The following ADRA1A variants were observed in gnomAD, a reference collection of about 807,000 sequenced individuals.
ADRA1A encodes alpha-1A adrenergic receptor.
A neutral mutation model predicts 29.6 loss-of-function variants in ADRA1A; 31 were observed. That is an observed-to-expected ratio of 1.05 (90% CI 0.79 to 1.41). The LOEUF (loss-of-function observed/expected upper bound fraction) is 1.41. Ranked by LOEUF, ADRA1A falls within the 40% of genes most tolerant of loss-of-function variation. ADRA1A has a pLI of 0.00. For missense variants in ADRA1A, 619 were observed against 601.1 expected (o/e 1.03, Z -0.31); for synonymous variants, 311 against 254.3 (o/e 1.22, Z -2.12).
chr8:26,761,874 G>A (rs1399498175), downstream of ADRA1A, among the ~76,000 whole-genome samples: 2 of 152,208 alleles, frequency 1.3e-5, no homozygotes, highest in Admixed American at 6.5e-5. Context: ...TCCAGTAGCA[G>A]ATGGGCTGCT....
chr8:26,797,787 T>C (rs1808283706), intron 2 of ADRA1A, among the ~76,000 whole-genome samples: 1 of 152,052 alleles, frequency 6.6e-6, no homozygotes, highest in African/African-American at 2.4e-5. Flanking sequence ...ATTGAGGCTA[T>C]GGAGAAGGGG....
At chr8:26,751,570 G>A (rs903619032), downstream of ADRA1A, among the ~76,000 whole-genome samples, 8 of 152,202 alleles carry the variant, frequency 5.3e-5, no homozygotes, top group African/African-American at 1.7e-4. Flanking sequence ...ATGGGTGAGT[G>A]TAAGGAGTAA....
At position 26,848,847 on chromosome 8, in the gene ADRA1A, C is replaced by T. The variant is rs558946711; in HGVS notation, c.883+15240G>A. ...TCACTGCACAGTTGTCTTCCTCTAACTGTTGAGAATCAAAGGCTATAGGAG... is the reference window on the plus strand; with the variant it reads ...TCACTGCACAGTTGTCTTCCTCTAATTGTTGAGAATCAAAGGCTATAGGAG... On this transcript the variant is annotated intron_variant, in intron 2 of 2. Transcript: ENST00000380573. This position sits in a 1 kb window ranked among gnomAD's most constrained non-coding sequence, Gnocchi z 4.3. Among the ~76,000 whole-genome samples, 3 of 152,294 alleles carry T rather than the reference C, an allele frequency of 2.0e-5. No individual in the cohort carries two copies. The highest frequency in any genetic ancestry group is 3.9e-4 in the East Asian group (2 of 5,162).
intron 2 of ADRA1A, among the ~76,000 whole-genome samples, chr8:26,839,412 C>A (rs1002035888): frequency 2.0e-5 from 3 of 152,112 alleles, no homozygotes; most frequent in Admixed American, 6.5e-5. Context: ...CCTGCCTCGG[C>A]CCCCCAAAGT....
chr8:26,814,520 C>A (rs545463006), intron 2 of ADRA1A, among the ~76,000 whole-genome samples: 1 of 152,332 alleles, frequency 6.6e-6, no homozygotes, highest in Non-Finnish European at 1.5e-5. Flanking sequence ...CCTTGGCCTC[C>A]CAAAGGCCAA....
At chr8:26,830,325 G>A (rs1810885444) in intron 2 of ADRA1A, among the ~76,000 whole-genome samples, 1 of 152,208 alleles carries the variant, frequency 6.6e-6, no homozygotes, top group Non-Finnish European at 1.5e-5. Flanking sequence ...AGAAAGGGGA[G>A]GAACTTGGCT....
intron 2 of ADRA1A, among the ~76,000 whole-genome samples, chr8:26,798,657 AT>A (rs1212083985): frequency 5.3e-5 from 8 of 152,212 alleles, no homozygotes; most frequent in Admixed American, 3.3e-4. Context: ...CTAGAATGGT[AT>A]CTGCCTGTGA....
intron 2 of ADRA1A, among the ~76,000 whole-genome samples, chr8:26,757,858 C>G (rs745904609): frequency 8.9e-6 from 1 of 112,752 alleles, no homozygotes; most frequent in African/African-American, 4.1e-5. Flanking sequence ...TATAAGCACA[C>G]GCACACACAC....
intron 2 of ADRA1A, among the ~76,000 whole-genome samples, chr8:26,863,280 T>C (rs902942893): frequency 6.6e-6 from 1 of 152,214 alleles, no homozygotes; most frequent in Non-Finnish European, 1.5e-5. Flanking sequence ...ATACTTATAA[T>C]GAGCTAATTA....
rs1025462338 is a variant in ADRA1A at position 26,848,848 on chromosome 8, T to A, written c.883+15239A>T. Reference sequence around the variant, plus strand: ...CACTGCACAGTTGTCTTCCTCTAACTGTTGAGAATCAAAGGCTATAGGAGG... The same window carrying A: ...CACTGCACAGTTGTCTTCCTCTAACAGTTGAGAATCAAAGGCTATAGGAGG... On this transcript the variant is annotated intron_variant, in intron 2 of 2. Transcript: ENST00000380573. This position sits in a 1 kb window ranked among gnomAD's most constrained non-coding sequence, Gnocchi z 4.3. Among the ~76,000 whole-genome samples the A allele has an allele frequency of 6.6e-6, 1 of 152,154 alleles. No individual in the cohort carries two copies. Among genetic ancestry groups the A allele is most frequent in the Non-Finnish European group, 1.5e-5 (1 of 68,024 alleles).
downstream of ADRA1A, among the ~76,000 whole-genome samples, chr8:26,768,049 A>G (rs753453251): frequency 1.3e-5 from 2 of 152,226 alleles, no homozygotes; most frequent in Non-Finnish European, 2.9e-5. Context: ...CACAAGGCTG[A>G]ATATGTATCT....
chr8:26,784,036 G>A (rs748450117), intron 2 of ADRA1A, among the ~76,000 whole-genome samples: 6 of 152,090 alleles, frequency 3.9e-5, no homozygotes, highest in South Asian at 2.1e-4. Flanking sequence ...GGGGTGTGGT[G>A]AATGAGAGCA....
At chr8:26,760,424 C>T (rs1805444738) in intron 2 of ADRA1A, among the ~76,000 whole-genome samples, 1 of 152,188 alleles carries the variant, frequency 6.6e-6, no homozygotes. Flanking sequence ...CTGTCTACAT[C>T]CTCATATCAA....
chr8:26,774,226 C>A lies in ADRA1A; in HGVS notation c.884-3560G>T, dbSNP rs1196918735. Among the ~76,000 whole-genome samples the A allele has an allele frequency of 2.0e-5, 3 of 152,306 alleles. No individual in the cohort carries two copies. The East Asian group carries it at 5.8e-4, about 29-fold the overall frequency. On this transcript the variant is annotated intron_variant, in intron 2 of 2. Transcript: ENST00000380573. ...TTCCACCAGGGGCAGGTTGCAGGAT[C>A]CATTCTCATGCTTGGAGTATTCTTC...
At chr8:26,758,800 C>G (rs151151558) in intron 2 of ADRA1A, among the ~76,000 whole-genome samples, 2 of 152,164 alleles carry the variant, frequency 1.3e-5, no homozygotes, top group Non-Finnish European at 2.9e-5. Context: ...CACAAGAGAG[C>G]GCAGCTCTTT....
intron 2 of ADRA1A, among the ~76,000 whole-genome samples, chr8:26,782,042 T>A (rs4732868): frequency 0.17 from 25,374 of 152,196 alleles, 2,476 homozygotes; most frequent in East Asian, 0.47. Flanking sequence ...CCCAGGCCAC[T>A]GGCTCACCCA....
chr8:26,811,024 C>T (rs918937432), intron 2 of ADRA1A, among the ~76,000 whole-genome samples: 3 of 152,172 alleles, frequency 2.0e-5, no homozygotes, highest in African/African-American at 7.2e-5. Context: ...GATGAAGGAA[C>T]TGCTTTGAAT....
At chr8:26,763,943 A>G (rs1477565908), downstream of ADRA1A, among the ~76,000 whole-genome samples, 1 of 152,174 alleles carries the variant, frequency 6.6e-6, no homozygotes, top group Non-Finnish European at 1.5e-5. This position sits in a 1 kb window ranked among gnomAD's most constrained non-coding sequence, Gnocchi z 4.5. Context: ...CCTAATATAC[A>G]TTAAATAGAT....
At chr8:26,760,260 G>C (rs1418935225) in intron 2 of ADRA1A, among the ~76,000 whole-genome samples, 2 of 152,186 alleles carry the variant, frequency 1.3e-5, no homozygotes, top group African/African-American at 4.8e-5. Flanking sequence ...TTTTTCAAGA[G>C]GCACAAGGTG....
Sources: gnomAD v4.1 joint callset for allele counts (sites outside exome capture counted in the v4.1 genomes callset) on GRCh38, gnomAD v4.1.1 for gene constraint, Gnocchi (gnomAD v3.1) non-coding constraint, MANE v1.5 for transcripts, NCBI Gene and HGNC (gene_info 2026-07-23, HGNC 2026-07-21) for gene names.